Variants in RBFOX1 observed in about 807,000 individuals in gnomAD.
The protein encoded by RBFOX1 is RNA binding fox-1 homolog 1, also known as RNA binding protein fox-1 homolog 1.
In RBFOX1, 8 loss-of-function variants were observed where a neutral mutation model predicts 57.7. That is an observed-to-expected ratio of 0.14 (90% CI 0.08 to 0.25). The LOEUF (loss-of-function observed/expected upper bound fraction) is 0.25, where lower values mean the gene tolerates loss of function less well. Ranked by LOEUF, RBFOX1 falls within the 10% of genes least tolerant of loss-of-function variation. RBFOX1 has a pLI of 1.00. For missense variants in RBFOX1, 611 were observed against 548.5 expected (o/e 1.11, Z -1.14); for synonymous variants, 326 against 222.4 (o/e 1.47, Z -4.15).
At chr16:5,932,674 C>G (rs2059087781) in intron 4 of RBFOX1, among the ~76,000 whole-genome samples, 1 of 152,188 alleles carries the variant, frequency 6.6e-6, no homozygotes, top group South Asian at 2.1e-4. Flanking sequence ...TCAGTTTCAT[C>G]AATGTCATGG....
intron 13 of RBFOX1, among the ~76,000 whole-genome samples, chr16:7,666,146 G>C (rs1404207509): frequency 6.6e-6 from 1 of 152,040 alleles, no homozygotes; most frequent in Non-Finnish European, 1.5e-5. Flanking sequence ...TATGAGGCAG[G>C]CTGGGGCTGA....
chr16:5,997,942 C>T (rs536541327), intron 4 of RBFOX1, among the ~76,000 whole-genome samples: 3 of 152,144 alleles, frequency 2.0e-5, no homozygotes, highest in Admixed American at 6.5e-5. Context: ...ATCTCTTGAA[C>T]AATATAAAAA....
intron 2 of RBFOX1, among the ~76,000 whole-genome samples, chr16:6,543,984 G>A (rs1599383790): frequency 1.3e-5 from 2 of 152,300 alleles, no homozygotes; most frequent in East Asian, 3.9e-4. Flanking sequence ...GAGGAGAAAT[G>A]TTGAAAAGCA....
At chr16:7,426,277 C>T (rs959525985) in intron 4 of RBFOX1, among the ~76,000 whole-genome samples, 5 of 152,106 alleles carry the variant, frequency 3.3e-5, no homozygotes, top group Admixed American at 6.6e-5. Context: ...GCATCGTCTC[C>T]CCGCTTAATC....
chr16:7,367,963 A>G (rs975111146), intron 4 of RBFOX1, among the ~76,000 whole-genome samples: 62 of 152,062 alleles, frequency 4.1e-4, no homozygotes, highest in African/African-American at 1.5e-3. Flanking sequence ...TCACCAGTTT[A>G]TAATCTTTAC....
chr16:7,382,534 G>T (rs190629752), intron 4 of RBFOX1, among the ~76,000 whole-genome samples: 1 of 152,298 alleles, frequency 6.6e-6, no homozygotes, highest in East Asian at 1.9e-4. Flanking sequence ...CAGAGGAAAT[G>T]GCATAACTCA....
chr16:7,576,214 G>A (rs2093327403), intron 5 of RBFOX1, among the ~76,000 whole-genome samples: 1 of 151,990 alleles, frequency 6.6e-6, no homozygotes, highest in African/African-American at 2.4e-5. Context: ...ATGAGCCACT[G>A]CACCTAGCCC....
chr16:6,916,596 G>T (rs2073220993), intron 3 of RBFOX1, among the ~76,000 whole-genome samples: 1 of 151,924 alleles, frequency 6.6e-6, no homozygotes, highest in African/African-American at 2.4e-5. Context: ...CACTTGTAAG[G>T]CCTTCCATCT....
intron 4 of RBFOX1, among the ~76,000 whole-genome samples, chr16:7,167,417 A>T (rs1409875472): frequency 1.3e-5 from 2 of 152,022 alleles, no homozygotes; most frequent in Admixed American, 1.3e-4. Context: ...AAACACAGAG[A>T]CTCAGAGGAG....
chr16:5,306,519 C>T (rs1274798640), intron 1 of RBFOX1, among the ~76,000 whole-genome samples: 1 of 152,034 alleles, frequency 6.6e-6, no homozygotes, highest in Non-Finnish European at 1.5e-5. Flanking sequence ...GGGGTTTTAC[C>T]ATGACCTTGA....
chr16:7,349,336 C>A (rs1172645799), intron 4 of RBFOX1, among the ~76,000 whole-genome samples: 2 of 152,144 alleles, frequency 1.3e-5, no homozygotes, highest in Admixed American at 6.6e-5. Context: ...GGCGCAAGAT[C>A]GGTTTTCAAT....
chr16:6,553,470 C>T (rs1397619741), intron 2 of RBFOX1, among the ~76,000 whole-genome samples: 1 of 152,166 alleles, frequency 6.6e-6, no homozygotes, highest in Admixed American at 6.5e-5. Context: ...CATGGAAATA[C>T]TTGGTGGAAA....
intron 3 of RBFOX1, among the ~76,000 whole-genome samples, chr16:6,845,948 T>C (rs1386561777): frequency 1.3e-5 from 2 of 152,220 alleles, no homozygotes; most frequent in African/African-American, 2.4e-5. Flanking sequence ...GGACAGCAGA[T>C]GCTTCTTCCT....
intron 3 of RBFOX1, among the ~76,000 whole-genome samples, chr16:5,679,874 C>T (rs2050277456): frequency 6.6e-6 from 1 of 152,148 alleles, no homozygotes. Context: ...AAGTACAGTT[C>T]ATAGTGAGCA....
intron 3 of RBFOX1, among the ~76,000 whole-genome samples, chr16:6,780,037 A>T (rs1478959474): frequency 3.0e-5 from 1 of 33,108 alleles, no homozygotes. Context: ...ATATATATTT[A>T]TATATATTTA....
intron 4 of RBFOX1, among the ~76,000 whole-genome samples, chr16:7,101,282 T>C (rs1358567703): frequency 6.6e-6 from 1 of 152,134 alleles, no homozygotes; most frequent in African/African-American, 2.4e-5. Context: ...AGCTCGCCGC[T>C]AGCTTGGATG....
rs1388063094 is a variant in RBFOX1, at chr16:7,139,176, C to CTGTGTGTGTGTGTG, written c.27+87086_27+87099dup. On this transcript the variant is annotated intron_variant, in intron 4 of 15. Coordinates refer to ENST00000550418, the MANE Select transcript of RBFOX1 (RefSeq NM_018723.4). ...TAATGCAGATGAAATCAATCTCTCT[C>CTGTGTGTGTGTGTG]TGTGTGTGTGTGTGTGTGTGTATGT... is the stretch of plus-strand genomic sequence containing the variant. Among the ~76,000 whole-genome samples the CTGTGTGTGTGTGTG allele has an allele frequency of 7.6e-3, 1,113 of 145,888 alleles. 13 individuals are homozygous for CTGTGTGTGTGTGTG. Among genetic ancestry groups the CTGTGTGTGTGTGTG allele is most frequent in the African/African-American group, 0.022 (859 of 38,910 alleles).
At chr16:6,792,495 C>T (rs2083162752) in intron 3 of RBFOX1, among the ~76,000 whole-genome samples, 1 of 152,114 alleles carries the variant, frequency 6.6e-6, no homozygotes. Flanking sequence ...ATTTTTGTGT[C>T]ATCTACCACC....
At chr16:6,865,064 G>A (rs541326551) in intron 3 of RBFOX1, among the ~76,000 whole-genome samples, 16 of 137,822 alleles carry the variant, frequency 1.2e-4, no homozygotes, top group South Asian at 7.2e-4. Context: ...GTGCAGTGGC[G>A]CGATCTTGGC....
Sources: gnomAD v4.1 joint callset for allele counts (sites outside exome capture counted in the v4.1 genomes callset) on GRCh38, gnomAD v4.1.1 for gene constraint, MANE v1.5 for transcripts, NCBI Gene and HGNC (gene_info 2026-07-23, HGNC 2026-07-21) for gene names.